BDP1: variants seen among roughly 807,000 people sequenced by gnomAD.
BDP1 encodes the protein transcription factor TFIIIB component B'' homolog.
BDP1 carries 169 observed loss-of-function variants against 266.6 expected under a neutral mutation model. The ratio of observed to expected loss-of-function variants is 0.63; its 90% CI spans 0.56 to 0.72. The LOEUF is 0.72. BDP1 is among the 30% of genes least tolerant of loss of function. BDP1 has a pLI of 0.00. For missense variants in BDP1, 3,015 were observed against 3,053.8 expected, an observed-to-expected ratio of 0.99 and a Z score of 0.30; for synonymous variants, 1,090 against 1,022.4, an observed-to-expected ratio of 1.07 and a Z score of -1.26.
rs1764790678 is a variant in BDP1, at chr5:71,509,733, GCCATTTCTC to G, written c.2645_2653del (p.Ile882_Pro884del). 3 of 1,613,956 alleles carry G rather than the reference GCCATTTCTC, an allele frequency of 1.9e-6. No homozygotes were observed. The Admixed American group carries it at 5.0e-5, about 27-fold the overall frequency. ...AGATTTAAAAGAAACTGGAAGAAGA[GCCATTTCTC>G]CCAGGGAGAAGATTCTAGATGTGAT... On this transcript the variant is annotated inframe_deletion, in exon 17 of 39. Coordinates refer to ENST00000358731, the MANE Select transcript of BDP1 (RefSeq NM_018429.3).
In BDP1 at chr5:71,510,274, A is replaced by C. The variant is rs756953108; in HGVS notation, c.3182A>C (p.Glu1061Ala). Residue 1061 changes from glutamate (E) to alanine (A), a missense_variant, in exon 17 of 39, where the codon GAG (glutamate) becomes GCG (alanine). Physicochemically the swap from Glu to Ala is moderately radical, Grantham distance 107 (BLOSUM62 -1). Around this residue, in one of 3 missense-constraint regions of BDP1, gnomAD observed 2,383 missense variants for 2,404.9 expected, o/e 0.99. Transcript: ENST00000358731. ...LEEVKPLGEM[E>A]TDLKATGRDS... is the part of the protein sequence containing the mutation. ...GAGGTCAAGCCTCTAGGTGAAATGG[A>C]GACGGATTTGAAAGCAACTGGAAGA... The C allele has an allele frequency of 6.2e-7, 1 of 1,614,036 alleles. No homozygotes were observed. The highest frequency in any genetic ancestry group is 2.2e-5 in the East Asian group (1 of 44,872).
intron 12 of BDP1, 38 bp from the exon 13 acceptor site, chr5:71,497,232 G>C: frequency 6.3e-7 from 1 of 1,576,792 alleles, no homozygotes; most frequent in Non-Finnish European, 8.7e-7. Context: ...GGACATGACT[G>C]CATGTTTGAT....
At chr5:71,556,585 G>A (rs1032194436) in intron 35 of BDP1, among the ~76,000 whole-genome samples, 52 of 152,140 alleles carry the variant, frequency 3.4e-4, no homozygotes, top group South Asian at 8.3e-4. Context: ...TTCCTGAAAC[G>A]AGCTCTACTT....
chr5:71,576,149 A>G, the BDP1 span, among the ~76,000 whole-genome samples: 7 of 152,188 alleles, frequency 4.6e-5, no homozygotes, highest in Non-Finnish European at 7.4e-5. Flanking sequence ...CATGTTAGCC[A>G]TAATATCCTG....
intron 13 of BDP1, among the ~76,000 whole-genome samples, chr5:71,498,800 T>C (rs919215231): frequency 2.7e-5 from 4 of 149,116 alleles, no homozygotes; most frequent in Admixed American, 2.7e-4. Context: ...CCTGGCTCAC[T>C]GCAGCCTCTG....
At chr5:71,471,205 C>T (rs892631223) in intron 7 of BDP1, among the ~76,000 whole-genome samples, 3 of 132,476 alleles carry the variant, frequency 2.3e-5, no homozygotes, top group East Asian at 2.3e-4. Flanking sequence ...TGCAGTGGTG[C>T]GATATCGGCT....
chr5:71,493,663 A>G (rs1763724108), intron 11 of BDP1, among the ~76,000 whole-genome samples: 1 of 152,244 alleles, frequency 6.6e-6, no homozygotes, highest in Non-Finnish European at 1.5e-5. Context: ...AGACAGTTTT[A>G]AAAAACACCA....
Position 71,515,048 on chromosome 5 carries a change from T to C in BDP1, c.4575T>C (p.Pro1525=). 1 of 1,612,906 alleles carries C rather than the reference T, an allele frequency of 6.2e-7. No homozygotes were observed. The change falls in exon 20 of 39, where the codon CCT becomes CCC. Residue 1525 remains proline, a synonymous_variant. Transcript: ENST00000358731. ...CACAGACTGAAAGGAACCTTTCACCTTCAAATTCTTGTGAACCTAAAGAGG... is the reference window on the plus strand; with the variant it reads ...CACAGACTGAAAGGAACCTTTCACCCTCAAATTCTTGTGAACCTAAAGAGG... ...PCTQTERNLS[P]SNSCEPKEES...
At chr5:71,544,949 G>A (rs1464308549) in intron 31 of BDP1, 90 bp from the exon 32 acceptor site, 10 of 768,510 alleles carry the variant, frequency 1.3e-5, no homozygotes, top group Non-Finnish European at 2.0e-5. Flanking sequence ...GAAAACCATT[G>A]AATTAGATGA....
Position 71,476,817 on chromosome 5 carries a change from C to T in BDP1, c.1014+6328C>T, listed in dbSNP as rs1327026803. Among the ~76,000 whole-genome samples the T allele has an allele frequency of 3.2e-4, 48 of 152,128 alleles. 1 individual carries two copies. Among genetic ancestry groups the T allele is most frequent in the Admixed American group, 3.1e-3 (48 of 15,268 alleles). ...CTCCCGGGTTCACACCATTCTCCTGCCTCAGCCTTCCGAGTAGCTGGGACT... is the reference window on the plus strand; with the variant it reads ...CTCCCGGGTTCACACCATTCTCCTGTCTCAGCCTTCCGAGTAGCTGGGACT... On this transcript the variant is annotated intron_variant, in intron 7 of 38. Coordinates refer to ENST00000358731, the MANE Select transcript of BDP1 (RefSeq NM_018429.3).
At chr5:71,477,255 T>G (rs1762649229) in intron 7 of BDP1, among the ~76,000 whole-genome samples, 1 of 151,962 alleles carries the variant, frequency 6.6e-6, no homozygotes, top group African/African-American at 2.4e-5. Flanking sequence ...CCTCCTGGGC[T>G]CAAGCAATCC....
chr5:71,530,947 G>T (rs1766206475), intron 25 of BDP1, among the ~76,000 whole-genome samples: 1 of 152,106 alleles, frequency 6.6e-6, no homozygotes, highest in Non-Finnish European at 1.5e-5. Flanking sequence ...GGTGGCACAT[G>T]CCTGTAGTCC....
intron 7 of BDP1, among the ~76,000 whole-genome samples, chr5:71,471,169 G>C (rs1193928499): frequency 3.8e-5 from 5 of 133,302 alleles, no homozygotes; most frequent in African/African-American, 1.4e-4. Flanking sequence ...TTGAGATGGA[G>C]TCTCGCTCTG....
chr5:71,525,623 T>G, intron 25 of BDP1, among the ~76,000 whole-genome samples: 1 of 116,138 alleles, frequency 8.6e-6, no homozygotes, highest in Non-Finnish European at 1.8e-5. Flanking sequence ...ACGGGGCGGC[T>G]GGCCGGGCGG....
intron 32 of BDP1, among the ~76,000 whole-genome samples, chr5:71,547,909 T>C (rs1230980421): frequency 2.6e-5 from 4 of 150,992 alleles, no homozygotes; most frequent in Non-Finnish European, 5.9e-5. Context: ...TGAGCCGAGA[T>C]TGTGCCACTG....
At position 71,483,828 on chromosome 5, in the gene BDP1, T is replaced by G. The variant is rs753565272; in HGVS notation, c.1015-14T>G. 1.3e-5 allele frequency: 20 copies of G among 1,598,596 alleles called. No homozygotes were observed. The highest frequency in any genetic ancestry group is 1.7e-5 in the Non-Finnish European group (20 of 1,169,828). ...ATGAGAGAAAATTACCATAGGGTTT[T>G]TTGTTGTTAACAGAATAAATTTAAA... On this transcript the variant is annotated splice_polypyrimidine_tract_variant and intron_variant, in intron 7 of 38. Coordinates refer to ENST00000358731, the MANE Select transcript of BDP1 (RefSeq NM_018429.3).
At chr5:71,504,540 C>CCA in intron 15 of BDP1, 81 bp from the exon 16 acceptor site, 1 of 1,270,938 alleles carries the variant, frequency 7.9e-7, no homozygotes, top group Middle Eastern at 2.3e-4. Flanking sequence ...CCATTTTATA[C>CCA]TTAAATTGGA....
At chr5:71,515,914 G>A (rs1765190449) in intron 20 of BDP1, 147 bp from the exon 21 acceptor site, 1 of 596,236 alleles carries the variant, frequency 1.7e-6, no homozygotes, top group Non-Finnish European at 3.0e-6. Flanking sequence ...AAAATAAGAT[G>A]TTTATAATCA....
At chr5:71,564,201 A>G (rs796091819) in intron 38 of BDP1, among the ~76,000 whole-genome samples, 1 of 151,948 alleles carries the variant, frequency 6.6e-6, no homozygotes, top group Non-Finnish European at 1.5e-5. Flanking sequence ...TGTTTCATTG[A>G]TATATCTGTC....
Sources: gnomAD v4.1 joint callset for allele counts (sites outside exome capture counted in the v4.1 genomes callset) on GRCh38, gnomAD v4.1.1 for gene constraint, gnomAD v4.1.1 regional missense constraint, MANE v1.5 for transcripts, NCBI Gene and HGNC (gene_info 2026-07-23, HGNC 2026-07-21) for gene names.